TENM4: variants seen among roughly 807,000 people sequenced by gnomAD.
The protein encoded by TENM4 is teneurin-4.
Under a neutral mutation model 243.3 loss-of-function variants are expected in TENM4, and 82 were observed. The observed-to-expected ratio is 0.34, with a 90% CI of 0.28 to 0.40. TENM4 has a LOEUF of 0.40. TENM4 is among the 10% of genes least tolerant of loss of function. The pLI, the probability that TENM4 is intolerant of heterozygous loss-of-function variation, is 1.00. For missense variants in TENM4, 3,138 were observed against 3,673.3 expected (o/e 0.85, Z 3.77); for synonymous variants, 1,412 against 1,456.3 (o/e 0.97, Z 0.69).
At chr11:78,777,563 C>A (rs563785131) in intron 17 of TENM4, among the ~76,000 whole-genome samples, 2 of 152,148 alleles carry the variant, frequency 1.3e-5, no homozygotes, top group Non-Finnish European at 2.9e-5. Flanking sequence ...GAGCATAATT[C>A]CTGCCTATAT....
At chr11:79,065,060 C>G in intron 5 of TENM4, 53 bp from the exon 6 acceptor site, 1 of 1,434,700 alleles carries the variant, frequency 7.0e-7, no homozygotes, top group South Asian at 1.5e-5. Context: ...AGGTCTGCGT[C>G]TGCCTCTGCC....
At chr11:78,959,709 C>T (rs547551718) in intron 6 of TENM4, among the ~76,000 whole-genome samples, 4 of 152,288 alleles carry the variant, frequency 2.6e-5, no homozygotes, top group Admixed American at 1.3e-4. Context: ...GGTGCAGGAG[C>T]ATGGAGGAGC....
rs1248894276 is a variant in TENM4 at position 79,147,089 on chromosome 11, G to A, written c.-66+1621C>T. 2.6e-5 allele frequency among the ~76,000 whole-genome samples: 4 copies of A among 152,196 alleles called. No individual in the cohort carries two copies. The East Asian group carries it at 7.7e-4, about 29-fold the overall frequency. Reference sequence around the variant, plus strand: ...GAAATCAGTGGGGCTGGACTCTACAGGTTCATTACACAGTCAGCTCATCTG... The same window carrying A: ...GAAATCAGTGGGGCTGGACTCTACAAGTTCATTACACAGTCAGCTCATCTG... On this transcript the variant is annotated intron_variant, in intron 4 of 33. Coordinates refer to ENST00000278550, the MANE Select transcript of TENM4 (RefSeq NM_001098816.3).
chr11:79,108,923 C>T (rs1166351404), intron 4 of TENM4, among the ~76,000 whole-genome samples: 1 of 152,110 alleles, frequency 6.6e-6, no homozygotes, highest in Non-Finnish European at 1.5e-5. Flanking sequence ...CTCTCCCCTT[C>T]CCCATTCCCC....
At chr11:79,251,157 C>T (rs187919570) in intron 2 of TENM4, among the ~76,000 whole-genome samples, 51 of 152,206 alleles carry the variant, frequency 3.4e-4, no homozygotes, top group African/African-American at 1.1e-3. Context: ...TTAACATCCA[C>T]GTGGGGGAAA....
chr11:78,732,469 G>T lies in TENM4; in HGVS notation c.2985C>A (p.Val995=). 4 of 1,613,814 alleles carry T rather than the reference G, an allele frequency of 2.5e-6. No homozygotes were observed. Among genetic ancestry groups the T allele is most frequent in the Non-Finnish European group, 3.4e-6 (4 of 1,179,830 alleles). ...CATGTCTCATGATGATGGTTTCCATGACAAAGAAGCGATCCCATGGCAGCC... is the reference window on the plus strand; with the variant it reads ...CATGTCTCATGATGATGGTTTCCATTACAAAGAAGCGATCCCATGGCAGCC... The part of the protein sequence containing the change: ...TLWLPWDRFF[V]METIIMRHEE... Residue 995 remains valine, a synonymous_variant, in exon 21 of 34, where the codon GTC becomes GTA. Coordinates refer to ENST00000278550, the MANE Select transcript of TENM4 (RefSeq NM_001098816.3).
chr11:79,352,527 T>C (rs902084165), intron 1 of TENM4, among the ~76,000 whole-genome samples: 2 of 152,144 alleles, frequency 1.3e-5, no homozygotes, highest in Admixed American at 6.5e-5. Context: ...CCACGGAGCA[T>C]GACTGCCTGC....
At chr11:79,244,660 A>G (rs1590821708) in intron 2 of TENM4, among the ~76,000 whole-genome samples, 1 of 152,198 alleles carries the variant, frequency 6.6e-6, no homozygotes, top group South Asian at 2.1e-4. Context: ...ATATATTATG[A>G]CTCAGTCCAA....
At chr11:79,306,781 G>A (rs1172019004) in intron 1 of TENM4, among the ~76,000 whole-genome samples, 1 of 152,096 alleles carries the variant, frequency 6.6e-6, no homozygotes, top group African/African-American at 2.4e-5. Context: ...TGGCCTACCT[G>A]AGGCTGCTGA....
intron 5 of TENM4, among the ~76,000 whole-genome samples, chr11:79,067,019 T>G (rs1372098800): frequency 6.6e-6 from 1 of 152,218 alleles, no homozygotes; most frequent in Non-Finnish European, 1.5e-5. Context: ...CAGTGCCTCC[T>G]TCCACACCCA....
chr11:79,188,330 A>G (rs1266896332), intron 3 of TENM4, among the ~76,000 whole-genome samples: 3 of 152,226 alleles, frequency 2.0e-5, no homozygotes, highest in Admixed American at 2.0e-4. Context: ...TCTCCCTGGC[A>G]AAACACATTC....
intron 3 of TENM4, among the ~76,000 whole-genome samples, chr11:79,188,349 G>C (rs566445439): frequency 6.6e-6 from 1 of 152,272 alleles, no homozygotes; most frequent in East Asian, 1.9e-4. Context: ...TCATGGCCAT[G>C]AATCCAGAAT....
intron 15 of TENM4, among the ~76,000 whole-genome samples, chr11:78,802,679 T>C (rs1857304291): frequency 6.6e-6 from 1 of 152,244 alleles, no homozygotes; most frequent in South Asian, 2.1e-4. Flanking sequence ...GGCAATACCG[T>C]ACCTGTCATC....
At chr11:79,439,663 CCA>C (rs141828517) in intron 1 of TENM4, among the ~76,000 whole-genome samples, 12,981 of 146,548 alleles carry the variant, frequency 0.089, 574 homozygotes, top group Non-Finnish European at 0.11. Flanking sequence ...GTGTGTGTGT[CCA>C]CACACACACA....
chr11:78,921,553 T>C (rs1306002802), intron 6 of TENM4, among the ~76,000 whole-genome samples: 2 of 152,248 alleles, frequency 1.3e-5, no homozygotes, highest in Non-Finnish European at 2.9e-5. Flanking sequence ...TGTATGAGCC[T>C]GACTGTACAG....
chr11:78,800,708 T>C (rs889068736), intron 15 of TENM4, among the ~76,000 whole-genome samples: 13 of 150,806 alleles, frequency 8.6e-5, no homozygotes, highest in South Asian at 4.3e-4. Context: ...GGGATACTTA[T>C]AGGCCCTGAC....
At chr11:79,237,963 C>T (rs2135274886) in intron 2 of TENM4, among the ~76,000 whole-genome samples, 1 of 152,278 alleles carries the variant, frequency 6.6e-6, no homozygotes, top group Non-Finnish European at 1.5e-5. Context: ...GGGAAAAAAG[C>T]CCAACACTTC....
chr11:78,954,157 A>C (rs1857161945), intron 6 of TENM4, among the ~76,000 whole-genome samples: 1 of 152,228 alleles, frequency 6.6e-6, no homozygotes, highest in Admixed American at 6.5e-5. Flanking sequence ...TGGGGGATCC[A>C]GCTGAGCTCA....
At chr11:79,186,430 T>C (rs918170977) in intron 3 of TENM4, among the ~76,000 whole-genome samples, 10 of 152,346 alleles carry the variant, frequency 6.6e-5, no homozygotes, top group African/African-American at 2.4e-4. Context: ...GCTTTATCTC[T>C]AAGCCTTATA....
Sources: allele counts gnomAD v4.1 joint callset (sites outside exome capture counted in the v4.1 genomes callset), GRCh38; gene constraint gnomAD v4.1.1; transcripts MANE v1.5; gene names NCBI Gene and HGNC (gene_info 2026-07-23, HGNC 2026-07-21).